Variants in BMERB1 observed in about 807,000 individuals in gnomAD.
BMERB1 encodes the protein bMERB domain-containing protein 1.
In BMERB1, 12 loss-of-function variants were observed where a neutral mutation model predicts 23.6. The observed-to-expected ratio is 0.51, with a 90% CI of 0.33 to 0.82. The LOEUF is 0.82. BMERB1 is among the 40% of genes least tolerant of loss of function. BMERB1 has a pLI of 0.03. For missense variants in BMERB1, 247 were observed against 255.4 expected (o/e 0.97, Z 0.22); for synonymous variants, 122 against 96.6 (o/e 1.26, Z -1.54).
intron 1 of BMERB1, among the ~76,000 whole-genome samples, chr16:15,496,433 G>A (rs1445596333): frequency 6.6e-6 from 1 of 152,126 alleles, no homozygotes; most frequent in African/African-American, 2.4e-5. Context: ...AGGTAATGAA[G>A]ACTGAGGATT....
intron 2 of BMERB1, among the ~76,000 whole-genome samples, chr16:15,567,184 C>CT (rs929168552): frequency 1.3e-5 from 2 of 151,342 alleles, no homozygotes; most frequent in South Asian, 4.2e-4. Flanking sequence ...GAGCGACACT[C>CT]TATCTCCAAA....
intron 2 of BMERB1, among the ~76,000 whole-genome samples, chr16:15,526,080 A>G (rs2051902262): frequency 6.6e-6 from 1 of 152,204 alleles, no homozygotes; most frequent in Admixed American, 6.5e-5. Flanking sequence ...CCTGAGCCAT[A>G]TTTCAAGCAC....
intron 2 of BMERB1, among the ~76,000 whole-genome samples, chr16:15,537,797 A>C (rs987985070): frequency 6.6e-6 from 1 of 152,042 alleles, no homozygotes; most frequent in African/African-American, 2.4e-5. Context: ...AGTGGGGACT[A>C]TAGGCACATG....
chr16:15,459,745 T>G (rs2051119637), intron 1 of BMERB1, among the ~76,000 whole-genome samples: 1 of 152,128 alleles, frequency 6.6e-6, no homozygotes, highest in Non-Finnish European at 1.5e-5. Context: ...CATTCTAAGG[T>G]GTTATCATAC....
intron 2 of BMERB1, among the ~76,000 whole-genome samples, chr16:15,519,085 A>ACACACACACACG (rs1204707657): frequency 5.6e-4 from 80 of 142,750 alleles, no homozygotes; most frequent in African/African-American, 2.3e-3. Flanking sequence ...ACACACACAC[A>ACACACACACACG]CACACACACA....
At chr16:15,481,388 G>A (rs927985335) in intron 1 of BMERB1, among the ~76,000 whole-genome samples, 1 of 152,078 alleles carries the variant, frequency 6.6e-6, no homozygotes, top group Admixed American at 6.6e-5. Flanking sequence ...TTAGCTGGGT[G>A]TGGTGGTGGG....
intron 1 of BMERB1, among the ~76,000 whole-genome samples, chr16:15,440,244 CAAAAAAAAAA>C (rs57412464): frequency 1.5e-5 from 1 of 64,668 alleles, no homozygotes; most frequent in Non-Finnish European, 2.8e-5. Context: ...GACTTAATCT[CAAAAAAAAAA>C]AAAAAAAAAA....
intron 1 of BMERB1, among the ~76,000 whole-genome samples, chr16:15,479,627 C>T (rs2051302836): frequency 6.6e-6 from 1 of 152,006 alleles, no homozygotes; most frequent in African/African-American, 2.4e-5. Context: ...ACAGACCGAA[C>T]ATAGAAGCAG....
At chr16:15,434,929 C>T (rs932550204) in intron 1 of BMERB1, among the ~76,000 whole-genome samples, 170 bp downstream of exon 1, 6 of 152,242 alleles carry the variant, frequency 3.9e-5, no homozygotes, top group Non-Finnish European at 8.8e-5. Context: ...CGCGCTCTCC[C>T]CGCGAACAAA....
At chr16:15,476,537 T>C (rs1402055432) in intron 1 of BMERB1, among the ~76,000 whole-genome samples, 2 of 152,150 alleles carry the variant, frequency 1.3e-5, no homozygotes, top group Admixed American at 1.3e-4. Flanking sequence ...TTGACACCAG[T>C]GTAGGTGGAA....
chr16:15,496,610 C>T (rs2051475739), intron 1 of BMERB1, among the ~76,000 whole-genome samples: 1 of 151,614 alleles, frequency 6.6e-6, no homozygotes, highest in African/African-American at 2.4e-5. Context: ...GCGATCTTGG[C>T]TCACTACAAG....
chr16:15,436,392 G>A (rs2150918960), intron 1 of BMERB1, among the ~76,000 whole-genome samples: 1 of 151,720 alleles, frequency 6.6e-6, no homozygotes, highest in Admixed American at 6.6e-5. Flanking sequence ...CAGAGTAGCT[G>A]AGATTACAGG....
intron 2 of BMERB1, among the ~76,000 whole-genome samples, chr16:15,533,398 T>C (rs528845708): frequency 6.6e-6 from 1 of 151,368 alleles, no homozygotes; most frequent in East Asian, 1.9e-4. Flanking sequence ...TTTCTTTCTT[T>C]TTTTTTTTTT....
At chr16:15,538,318 T>G (rs771003745) in intron 2 of BMERB1, among the ~76,000 whole-genome samples, 30 of 152,266 alleles carry the variant, frequency 2.0e-4, no homozygotes, top group Non-Finnish European at 3.5e-4. Context: ...CTGGGCATGG[T>G]GGTGTGCACC....
chr16:15,473,607 T>G (rs2051250036), intron 1 of BMERB1, among the ~76,000 whole-genome samples: 1 of 152,076 alleles, frequency 6.6e-6, no homozygotes, highest in African/African-American at 2.4e-5. Flanking sequence ...TAGCCATTCT[T>G]TAAGGGCAGG....
chr16:15,478,545 A>AT (rs1374974942), intron 1 of BMERB1, among the ~76,000 whole-genome samples: 1 of 152,114 alleles, frequency 6.6e-6, no homozygotes, highest in African/African-American at 2.4e-5. Context: ...TGTGACAGTG[A>AT]TTTTCAAAGC....
intron 2 of BMERB1, among the ~76,000 whole-genome samples, chr16:15,521,248 A>C (rs920368707): frequency 2.0e-5 from 3 of 152,206 alleles, no homozygotes; most frequent in South Asian, 2.1e-4. Flanking sequence ...TTTCAGTATC[A>C]CCATTTCTCT....
At chr16:15,584,303 T>C in intron 5 of BMERB1, 1 of 380,750 alleles carries the variant, frequency 2.6e-6, no homozygotes, top group Non-Finnish European at 4.8e-6. Flanking sequence ...CTCACGCCTG[T>C]AATGCCAGCA....
intron 1 of BMERB1, among the ~76,000 whole-genome samples, chr16:15,480,737 C>T (rs1447473297): frequency 6.6e-6 from 1 of 151,606 alleles, no homozygotes; most frequent in Non-Finnish European, 1.5e-5. Context: ...CCTCAGCCTC[C>T]CAAGTAGCTG....
Sources: gnomAD v4.1 joint callset for allele counts (sites outside exome capture counted in the v4.1 genomes callset) on GRCh38, gnomAD v4.1.1 for gene constraint, MANE v1.5 for transcripts, NCBI Gene and HGNC (gene_info 2026-07-23, HGNC 2026-07-21) for gene names.